Variants in SLC6A11 observed in about 807,000 individuals in gnomAD.
SLC6A11 encodes the protein sodium- and chloride-dependent GABA transporter 3.
A neutral mutation model predicts 74.8 loss-of-function variants in SLC6A11; 25 were observed. The ratio of observed to expected loss-of-function variants is 0.33; its 90% CI spans 0.24 to 0.47. The LOEUF (loss-of-function observed/expected upper bound fraction) is 0.47. SLC6A11 is among the 20% of genes least tolerant of loss of function. SLC6A11 has a pLI of 1.00. For synonymous variants in SLC6A11, 330 were observed against 330.2 expected (o/e 1.00, Z 0.01); for missense variants, 574 against 837.0 (o/e 0.69, Z 3.88).
chr3:10,884,744 C>T (rs1695022781), intron 6 of SLC6A11, among the ~76,000 whole-genome samples: 1 of 152,174 alleles, frequency 6.6e-6, no homozygotes, highest in South Asian at 2.1e-4. Context: ...GCTTTAATCT[C>T]CATTCAGCGC....
intron 5 of SLC6A11, among the ~76,000 whole-genome samples, chr3:10,871,644 T>G (rs1694829659): frequency 6.6e-6 from 1 of 152,192 alleles, no homozygotes; most frequent in Non-Finnish European, 1.5e-5. Flanking sequence ...AACTGGAGAT[T>G]TTATAGCACT....
In SLC6A11 at chr3:10,863,883, G is replaced by A. The variant is rs973549843; in HGVS notation, c.757-11078G>A. Among the ~76,000 whole-genome samples, 3 of 152,218 alleles carry A rather than the reference G, an allele frequency of 2.0e-5. 1 individual carries two copies. The highest frequency in any genetic ancestry group is 4.2e-4 in the South Asian group (2 of 4,812). ...TCCCGAGGGGTCCGTTCGGGGCTTCGGAGTTGAATGGCTCTGAGCTTGAAT... is the reference window on the plus strand; with the variant it reads ...TCCCGAGGGGTCCGTTCGGGGCTTCAGAGTTGAATGGCTCTGAGCTTGAAT... On this transcript the variant is annotated intron_variant, in intron 5 of 13. Transcript: ENST00000254488.
chr3:10,900,626 G>A (rs1350286915), intron 6 of SLC6A11, among the ~76,000 whole-genome samples: 2 of 152,216 alleles, frequency 1.3e-5, no homozygotes, highest in African/African-American at 4.8e-5. Flanking sequence ...AGGGCATGGA[G>A]CACCCAGGCT....
intron 5 of SLC6A11, among the ~76,000 whole-genome samples, chr3:10,866,723 C>T (rs187299678): frequency 6.6e-6 from 1 of 152,348 alleles, no homozygotes; most frequent in Admixed American, 6.5e-5. Flanking sequence ...CTTGTGAAAA[C>T]ATGACTCTAC....
chr3:10,924,762 G>C (rs928620658), intron 8 of SLC6A11, among the ~76,000 whole-genome samples: 5 of 152,126 alleles, frequency 3.3e-5, no homozygotes, highest in African/African-American at 1.2e-4. Flanking sequence ...TAACTATCAG[G>C]GAAATGCAAA....
At chr3:10,831,386 A>G (rs1188873843) in intron 4 of SLC6A11, among the ~76,000 whole-genome samples, 1 of 152,238 alleles carries the variant, frequency 6.6e-6, no homozygotes, top group Non-Finnish European at 1.5e-5. Context: ...ATATTCTTAA[A>G]TATGATATGT....
chr3:10,885,418 A>G (rs187903511), intron 6 of SLC6A11, among the ~76,000 whole-genome samples: 2 of 152,242 alleles, frequency 1.3e-5, no homozygotes, highest in Admixed American at 1.3e-4. Flanking sequence ...GGATGAGTGT[A>G]AAGTCGTTCT....
At chr3:10,866,162 C>A (rs1694760664) in intron 5 of SLC6A11, among the ~76,000 whole-genome samples, 1 of 152,180 alleles carries the variant, frequency 6.6e-6, no homozygotes, top group Non-Finnish European at 1.5e-5. Flanking sequence ...ATTTACATGG[C>A]CTAAGATGGC....
intron 9 of SLC6A11, among the ~76,000 whole-genome samples, chr3:10,928,506 G>A (rs1019329898): frequency 3.3e-5 from 5 of 152,132 alleles, no homozygotes; most frequent in Non-Finnish European, 5.9e-5. Flanking sequence ...GCTGTTAATG[G>A]GTGGGTAGGA....
chr3:10,865,997 T>C (rs545293930), intron 5 of SLC6A11, among the ~76,000 whole-genome samples: 1 of 152,332 alleles, frequency 6.6e-6, no homozygotes, highest in African/African-American at 2.4e-5. Context: ...TTAGCTTCCA[T>C]GTTTGACTCC....
chr3:10,841,386 C>G (rs1285826308), intron 4 of SLC6A11, among the ~76,000 whole-genome samples: 3 of 152,198 alleles, frequency 2.0e-5, no homozygotes, highest in African/African-American at 7.2e-5. Context: ...AAAGGCTGCC[C>G]TTGTGGGTTT....
intron 5 of SLC6A11, among the ~76,000 whole-genome samples, chr3:10,862,952 G>C (rs1479549763): frequency 2.0e-5 from 3 of 152,250 alleles, no homozygotes; most frequent in African/African-American, 7.2e-5. Context: ...TCAACTGCGA[G>C]TATTTTACTC....
intron 6 of SLC6A11, among the ~76,000 whole-genome samples, chr3:10,886,549 T>G (rs1011857335): frequency 3.3e-5 from 5 of 152,240 alleles, no homozygotes; most frequent in Admixed American, 2.0e-4. Flanking sequence ...GGCTCATGCC[T>G]GTAATTCCAA....
chr3:10,901,248 C>T (rs1020319266), intron 6 of SLC6A11, among the ~76,000 whole-genome samples: 9 of 152,204 alleles, frequency 5.9e-5, no homozygotes, highest in African/African-American at 1.2e-4. Context: ...AAGCAACTGA[C>T]GTGATGGATT....
intron 6 of SLC6A11, among the ~76,000 whole-genome samples, chr3:10,895,813 G>A (rs1695164391): frequency 6.6e-6 from 1 of 152,128 alleles, no homozygotes; most frequent in Non-Finnish European, 1.5e-5. Flanking sequence ...AGGATAAATA[G>A]CTAATGCATG....
At chr3:10,849,543 G>A (rs143724189) in intron 5 of SLC6A11, among the ~76,000 whole-genome samples, 1 of 151,914 alleles carries the variant, frequency 6.6e-6, no homozygotes, top group Non-Finnish European at 1.5e-5. Flanking sequence ...TGTTTCCCAC[G>A]CACATATTCA....
intron 5 of SLC6A11, among the ~76,000 whole-genome samples, chr3:10,872,838 C>A (rs908416079): frequency 2.6e-5 from 4 of 152,180 alleles, no homozygotes; most frequent in African/African-American, 9.7e-5. Context: ...GACTCTTTAT[C>A]TGGGAAATTG....
At chr3:10,903,079 C>T (rs1219548588) in intron 6 of SLC6A11, among the ~76,000 whole-genome samples, 1 of 152,140 alleles carries the variant, frequency 6.6e-6, no homozygotes, top group East Asian at 1.9e-4. Flanking sequence ...ATCATACACC[C>T]TCTTACTGGT....
Position 10,856,932 on chromosome 3 carries a change from T to C in SLC6A11, c.756+12586T>C, listed in dbSNP as rs542966468. Among the ~76,000 whole-genome samples the C allele has an allele frequency of 7.9e-5, 12 of 152,264 alleles. No homozygotes were observed. The South Asian group carries it at 1.5e-3, about 18-fold the overall frequency. ...CCCACCTCACGGGTTGTTATAAGGCTCAAGTGAGGCGATGTGTGGAAATAC... is the reference window on the plus strand; with the variant it reads ...CCCACCTCACGGGTTGTTATAAGGCCCAAGTGAGGCGATGTGTGGAAATAC... On this transcript the variant is annotated intron_variant, in intron 5 of 13. Transcript: ENST00000254488.
Sources: allele counts gnomAD v4.1 joint callset (sites outside exome capture counted in the v4.1 genomes callset), GRCh38; gene constraint gnomAD v4.1.1; transcripts MANE v1.5; gene names NCBI Gene and HGNC (gene_info 2026-07-23, HGNC 2026-07-21).